Variants in SLC35F5 observed in about 807,000 individuals in gnomAD.
The protein encoded by SLC35F5 is HCV NS5A-transactivated protein 3.
SLC35F5 carries 54 observed loss-of-function variants against 68.6 expected under a neutral mutation model. The ratio of observed to expected loss-of-function variants is 0.79; its 90% CI spans 0.63 to 0.99. The LOEUF (loss-of-function observed/expected upper bound fraction) is 0.99. Ranked by LOEUF, SLC35F5 falls within the 50% of genes least tolerant of loss-of-function variation. The probability of loss-of-function intolerance (pLI) is 0.00; values close to 1 mark genes in which losing one functional copy is unlikely to be tolerated. For synonymous variants in SLC35F5, 211 were observed against 205.2 expected, an observed-to-expected ratio of 1.03 and a Z score of -0.24; for missense variants, 567 against 626.9, an observed-to-expected ratio of 0.90 and a Z score of 1.02.
At chr2:113,749,534 T>G (rs1337830169) in intron 4 of SLC35F5, among the ~76,000 whole-genome samples, 1 of 152,050 alleles carries the variant, frequency 6.6e-6, no homozygotes, top group East Asian at 1.9e-4. Context: ...AGGATGTACT[T>G]ATTAGATAAG....
intron 14 of SLC35F5, 103 bp downstream of exon 14, chr2:113,719,051 C>T: frequency 9.4e-7 from 1 of 1,069,412 alleles, no homozygotes; most frequent in Non-Finnish European, 1.3e-6. Context: ...TATCATCTTT[C>T]AATAATTCCT....
chr2:113,738,673 A>C (rs538987274), intron 7 of SLC35F5, among the ~76,000 whole-genome samples: 1 of 151,570 alleles, frequency 6.6e-6, no homozygotes, highest in Non-Finnish European at 1.5e-5. Context: ...AAAAAAAAAC[A>C]ACCTAGTAAG....
intron 5 of SLC35F5, 157 bp from the exon 6 acceptor site, chr2:113,743,951 C>T (rs1451018899): frequency 4.0e-6 from 2 of 498,726 alleles, no homozygotes; most frequent in Non-Finnish European, 7.1e-6. Context: ...AAAGGAAACT[C>T]AACAGATCCA....
chr2:113,725,463 A>G lies in SLC35F5; in HGVS notation c.1165T>C (p.Phe389Leu). 1 of 1,611,678 alleles carries G rather than the reference A, an allele frequency of 6.2e-7. No homozygotes were observed. Among genetic ancestry groups the G allele is most frequent in the Non-Finnish European group, 8.5e-7 (1 of 1,179,282 alleles). Residue 389 changes from phenylalanine (F) to leucine (L), a missense_variant, in exon 12 of 16, where the codon TTC (phenylalanine) becomes CTC (leucine). By Grantham distance (22) the Phe-to-Leu change is conservative (BLOSUM62 0). Transcript: ENST00000245680. Reference protein sequence around the residue: ...FLLHYTGFEDFEFPNKVVLMC... With the variant: ...FLLHYTGFEDLEFPNKVVLMC... ...AATACTACTTTATTGGGAAACTCGAAGTCCTCAAATCCAGTATAATGAAGT... is the reference window on the plus strand; with the variant it reads ...AATACTACTTTATTGGGAAACTCGAGGTCCTCAAATCCAGTATAATGAAGT...
rs1036942815 is a variant in SLC35F5 at position 113,708,660 on chromosome 2, C to A, written c.*6558G>T. 3.9e-5 allele frequency among the ~76,000 whole-genome samples: 6 copies of A among 152,014 alleles called. No homozygotes were observed. The highest frequency in any genetic ancestry group is 1.5e-4 in the African/African-American group (6 of 41,378). On this transcript the variant is annotated 3_prime_UTR_variant, in exon 16 of 16. Transcript: ENST00000245680. ...GGCAGAGGTTAGAGTGAGCCGAGAT[C>A]GTGCCACTGCACTTCAGCCTGGGCA... is the stretch of plus-strand genomic sequence containing the variant.
intron 4 of SLC35F5, among the ~76,000 whole-genome samples, chr2:113,749,193 A>T (rs1176391561): frequency 1.3e-5 from 2 of 152,154 alleles, no homozygotes; most frequent in Non-Finnish European, 2.9e-5. Context: ...GCCCAGCTTT[A>T]AAAAACAATT....
rs987593831 is a variant in SLC35F5, at chr2:113,712,441, C to T, written c.*2777G>A. Among the ~76,000 whole-genome samples the T allele has an allele frequency of 1.3e-5, 2 of 152,180 alleles. No homozygotes were observed. Among genetic ancestry groups the T allele is most frequent in the Admixed American group, 1.3e-4 (2 of 15,286 alleles). ...ACGCCATTCTGCTGCCTCAGCCTCC[C>T]GAGCAGCTGGGACTACAGGCGCCGC... On this transcript the variant is annotated 3_prime_UTR_variant, in exon 16 of 16. Coordinates refer to ENST00000245680, the MANE Select transcript of SLC35F5 (RefSeq NM_025181.5).
rs1161806559 is a variant in SLC35F5, at chr2:113,709,952, C to T, written c.*5266G>A. Among the ~76,000 whole-genome samples, 2 of 152,198 alleles carry T rather than the reference C, an allele frequency of 1.3e-5. No homozygotes were observed. The highest frequency in any genetic ancestry group is 2.9e-5 in the Non-Finnish European group (2 of 68,040). ...TCAGACTCCCAAGCAGCTCAGACTACAGGTATGCACTACCATGCCTGTTTG... is the reference window on the plus strand; with the variant it reads ...TCAGACTCCCAAGCAGCTCAGACTATAGGTATGCACTACCATGCCTGTTTG... On this transcript the variant is annotated 3_prime_UTR_variant, in exon 16 of 16. Transcript: ENST00000245680.
chr2:113,717,129 C>T (rs1290407603), intron 15 of SLC35F5, among the ~76,000 whole-genome samples: 1 of 152,136 alleles, frequency 6.6e-6, no homozygotes, highest in Non-Finnish European at 1.5e-5. Flanking sequence ...TTAATTCAAG[C>T]TTTCATTCAG....
Position 113,715,073 on chromosome 2 carries a change from A to T in SLC35F5, c.*145T>A, listed in dbSNP as rs1199922896. ...TATGAAAATGAAGAAAACAGGTATGAGAAAAATATATTTTAGAGTTTCAAA... is the reference window on the plus strand; with the variant it reads ...TATGAAAATGAAGAAAACAGGTATGTGAAAAATATATTTTAGAGTTTCAAA... On this transcript the variant is annotated 3_prime_UTR_variant, in exon 16 of 16. Transcript: ENST00000245680. 1.3e-5 allele frequency: 2 copies of T among 152,616 alleles called. No homozygotes were observed. The highest frequency in any genetic ancestry group is 2.9e-5 in the Non-Finnish European group (2 of 68,016). The allele number at this position is 152,616 out of a possible 1,614,324, so 9.5% of individuals were successfully genotyped here.
chr2:113,756,403 G>T lies in SLC35F5; in HGVS notation c.7C>A (p.Pro3Thr). The T allele has an allele frequency of 6.4e-7, 1 of 1,559,878 alleles. No homozygotes were observed. Among genetic ancestry groups the T allele is most frequent in the South Asian group, 1.2e-5 (1 of 84,960 alleles). MV[P>T]PRRHRGAGRP... ...CCTGCCCCGCGATGGCGTCGTGGCG[G>T]CACCATGAGCGGACCGGTCAGGCCC... is the stretch of plus-strand genomic sequence containing the variant. Residue 3 changes from proline (P) to threonine (T), a missense_variant, in exon 1 of 16, where the codon CCG becomes ACG. Physicochemically the swap from Pro to Thr is conservative, Grantham distance 38. Transcript: ENST00000245680.
At chr2:113,743,544 TTATAC>T (rs1330534800) in intron 6 of SLC35F5, among the ~76,000 whole-genome samples, 164 bp downstream of exon 6, 1 of 152,218 alleles carries the variant, frequency 6.6e-6, no homozygotes, top group African/African-American at 2.4e-5. Context: ...ACAAAAATGA[TTATAC>T]TATATTAGAT....
intron 7 of SLC35F5, among the ~76,000 whole-genome samples, chr2:113,740,359 G>T (rs1242946068): frequency 6.6e-6 from 1 of 152,116 alleles, no homozygotes; most frequent in Non-Finnish European, 1.5e-5. Context: ...TCTGTTAAAA[G>T]GAACTATCTC....
Position 113,717,867 on chromosome 2 carries a change from GCAGT to G in SLC35F5, c.1497-21_1497-18del. 6.6e-7 allele frequency: 1 copy of G among 1,526,154 alleles called. No individual in the cohort carries two copies. The highest frequency in any genetic ancestry group is 9.0e-7 in the Non-Finnish European group (1 of 1,109,838). The allele number at this position is 1,526,154 out of a possible 1,614,324, so 94.5% of individuals were successfully genotyped here. ...TCTGGAACTCTTAAGAAAAAAAAAA[GCAGT>G]AATTAAGGAAAGCTTTAGAGCTGAA... On this transcript the variant is annotated intron_variant, in intron 14 of 15. Transcript: ENST00000245680.
At chr2:113,747,113 C>T (rs1676523213) in intron 4 of SLC35F5, among the ~76,000 whole-genome samples, 2 of 151,724 alleles carry the variant, frequency 1.3e-5, no homozygotes, top group Admixed American at 6.6e-5. Flanking sequence ...GTGGTGAAAC[C>T]CCATCTCTAC....
rs771891349 is a variant in SLC35F5, at chr2:113,717,824, TCA to T, written c.1521_1522del (p.Cys507Ter). On this transcript the variant is annotated stop_gained and frameshift_variant, in exon 15 of 16. Coordinates refer to ENST00000245680, the MANE Select transcript of SLC35F5 (RefSeq NM_025181.5). LOFTEE classifies it high-confidence loss of function. ...AACACTGTGCATAGAAATGAGACTC[TCA>T]CACTGTTCGCTGTCTTCTGGAACTC... is the stretch of plus-strand genomic sequence containing the variant. The T allele has an allele frequency of 3.1e-6, 5 of 1,612,330 alleles. No individual in the cohort carries two copies. The highest frequency in any genetic ancestry group is 3.4e-6 in the Non-Finnish European group (4 of 1,179,162).
intron 11 of SLC35F5, among the ~76,000 whole-genome samples, chr2:113,726,753 C>A (rs531398197): frequency 6.6e-6 from 1 of 152,166 alleles, no homozygotes; most frequent in African/African-American, 2.4e-5. Context: ...CCAGCCATCA[C>A]GACTCAAGGC....
chr2:113,707,043 ATACTC>A lies in SLC35F5; in HGVS notation c.*8170_*8174del, dbSNP rs1461817369. ...TTTTATAATTGTGTTTAAATTTTAAATACTCTAGAATCTGAAAATATTAAATATTA... is the reference window on the plus strand; with the variant it reads ...TTTTATAATTGTGTTTAAATTTTAAATAGAATCTGAAAATATTAAATATTA... On this transcript the variant is annotated 3_prime_UTR_variant, in exon 16 of 16. Coordinates refer to ENST00000245680, the MANE Select transcript of SLC35F5 (RefSeq NM_025181.5). 1.3e-5 allele frequency among the ~76,000 whole-genome samples: 2 copies of A among 152,234 alleles called. No homozygotes were observed. The highest frequency in any genetic ancestry group is 1.3e-4 in the Admixed American group (2 of 15,284).
chr2:113,729,414 A>T lies in SLC35F5; in HGVS notation c.1077T>A (p.Ile359=), dbSNP rs1292036183. ...ATATATTCTTACCAAAGAACATTGG[A>T]ATATCCAACTTGTCTTCTCTATCTA... The part of the protein sequence containing the change: ...RKVDREDKLD[I]PMFFGFVGLF... The change falls in exon 11 of 16, where the codon ATT becomes ATA. Residue 359 remains isoleucine (I), a synonymous_variant. Coordinates refer to ENST00000245680, the MANE Select transcript of SLC35F5 (RefSeq NM_025181.5). The T allele has an allele frequency of 6.6e-7, 1 of 1,511,464 alleles. No homozygotes were observed. The highest frequency in any genetic ancestry group is 9.1e-7 in the Non-Finnish European group (1 of 1,096,354). 93.6% of individuals were successfully genotyped at this position (1,511,464 alleles called of 1,614,324 possible). A position where few individuals can be genotyped will look rare whatever the true frequency, so the allele number is the denominator to read the frequency against.
Sources: gnomAD v4.1 joint callset for allele counts (sites outside exome capture counted in the v4.1 genomes callset) on GRCh38, gnomAD v4.1.1 for gene constraint, MANE v1.5 for transcripts, NCBI Gene and HGNC (gene_info 2026-07-23, HGNC 2026-07-21) for gene names.